The following SLC23A3 variants were observed in gnomAD, a reference collection of about 807,000 sequenced individuals.
The protein encoded by SLC23A3 is E2-binding protein 3.
Under a neutral mutation model 64.7 loss-of-function variants are expected in SLC23A3, and 41 were observed. That is an observed-to-expected ratio of 0.63 (90% CI 0.49 to 0.82). The LOEUF is 0.82. SLC23A3 is among the 40% of genes least tolerant of loss of function. The pLI is 0.00. For synonymous variants in SLC23A3, 281 were observed against 306.8 expected (o/e 0.92, Z 0.88); for missense variants, 647 against 733.4 (o/e 0.88, Z 1.36).
chr2:219,168,093 C>G (rs757369911), intron 6 of SLC23A3, 49 bp from the exon 7 acceptor site: 7 of 1,566,932 alleles, frequency 4.5e-6, no homozygotes, highest in Non-Finnish European at 6.0e-6. Context: ...ACCTTCTGAG[C>G]CAGCCTTGCA....
rs1397848651 is a variant in SLC23A3 at position 219,168,265 on chromosome 2, T to C, written c.728A>G (p.His243Arg). The change falls in exon 6 of 12, where the codon CAT becomes CGT. Residue 243 changes from histidine (H) to arginine (R), a missense_variant. His to Arg is a conservative substitution (Grantham distance 29). Transcript: ENST00000409878. ...CSQHLGSCQFHVCPWRRASTS... is the reference protein window; with the variant it reads ...CSQHLGSCQFRVCPWRRASTS... ...TGAAGCTCGCCTCCAGGGGCACACA[T>C]GAAACTGGCAGGAGCCCAGGTGCTG... 6.2e-6 allele frequency: 10 copies of C among 1,613,258 alleles called. No homozygotes were observed. The highest frequency in any genetic ancestry group is 8.5e-6 in the Non-Finnish European group (10 of 1,179,742).
In SLC23A3 at chr2:219,167,973, C is replaced by G; in HGVS notation, c.870G>C (p.Leu290=). The G allele has an allele frequency of 1.3e-6, 2 of 1,585,958 alleles. No homozygotes were observed. Among genetic ancestry groups the G allele is most frequent in the Non-Finnish European group, 1.7e-6 (2 of 1,172,422 alleles). The stretch of plus-strand genomic sequence containing the variant: ...TCCATGGTGCCTTGGTGGGGGCAGA[C>G]AGTTCCTGGGGGATAACACTGAATC... ...FVGFSVIPQE[L]SAPTKAPWIW... The change falls in exon 7 of 12, where the codon CTG becomes CTC. Residue 290 remains leucine, a synonymous_variant. Coordinates refer to ENST00000409878, the MANE Select transcript of SLC23A3 (RefSeq NM_001144889.2).
chr2:219,168,846 A>G lies in SLC23A3; in HGVS notation c.493-13T>C. ...CTGCCCCGGACACCTGGTAGAAGAGAGGAGAGGATGGAGAGAAAACATTCT... is the reference window on the plus strand; with the variant it reads ...CTGCCCCGGACACCTGGTAGAAGAGGGGAGAGGATGGAGAGAAAACATTCT... On this transcript the variant is annotated splice_polypyrimidine_tract_variant and intron_variant, in intron 4 of 11. Coordinates refer to ENST00000409878, the MANE Select transcript of SLC23A3 (RefSeq NM_001144889.2). The G allele has an allele frequency of 6.4e-7, 1 of 1,574,150 alleles. No individual in the cohort carries two copies. The highest frequency in any genetic ancestry group is 8.6e-7 in the Non-Finnish European group (1 of 1,160,380).
In SLC23A3 at chr2:219,161,797, T is replaced by C. The variant is rs928021921; in HGVS notation, c.*112A>G. 3 of 1,225,010 alleles carry C rather than the reference T, an allele frequency of 2.4e-6. No homozygotes were observed. In the African/African-American group the frequency reaches 4.5e-5, roughly 18 times the overall value. 75.9% of individuals were successfully genotyped at this position (1,225,010 alleles called of 1,614,324 possible). A position where few individuals can be genotyped will look rare whatever the true frequency, so the allele number is the denominator to read the frequency against. On this transcript the variant is annotated 3_prime_UTR_variant, in exon 12 of 12. Transcript: ENST00000409878. ...GAAATGGAACCTCTAGACAGTCCCA[T>C]GTAATACACACACACATATCCTCTG...
rs977643622 is a variant in SLC23A3, at chr2:219,163,793, C to T, written c.1274-238G>A. Among the ~76,000 whole-genome samples the T allele has an allele frequency of 3.3e-5, 5 of 152,172 alleles. No homozygotes were observed. In the South Asian group the frequency reaches 6.2e-4, roughly 19 times the overall value. ...CACTGCAACCTCCGCTTCCTACTCC[C>T]GGATTCAAGCGATTTCTCCTGCCTC... On this transcript the variant is annotated intron_variant, in intron 9 of 11. Coordinates refer to ENST00000409878, the MANE Select transcript of SLC23A3 (RefSeq NM_001144889.2).
At position 219,163,490 on chromosome 2, in the gene SLC23A3, C is replaced by T. The variant is rs774444420; in HGVS notation, c.1339G>A (p.Asp447Asn). The part of the protein sequence containing the change: ...SAGFSSFYLA[D>N]IDSGRNIFIV... ...AAGATATTTCGCCCAGAGTCTATGT[C>T]AGCCAGGTAGAAGCTGGAGAATCCA... The change falls in exon 10 of 12, where the codon GAC becomes AAC. Residue 447 changes from aspartate (D) to asparagine (N), a missense_variant. Coordinates refer to ENST00000409878, the MANE Select transcript of SLC23A3 (RefSeq NM_001144889.2). 9 of 1,614,074 alleles carry T rather than the reference C, an allele frequency of 5.6e-6. No homozygotes were observed. The highest frequency in any genetic ancestry group is 1.3e-5 in the African/African-American group (1 of 74,920).
At chr2:219,163,688 T>C in intron 9 of SLC23A3, 133 bp from the exon 10 acceptor site, 1 of 936,494 alleles carries the variant, frequency 1.1e-6, no homozygotes, top group Non-Finnish European at 1.6e-6. Context: ...TTTTTTTTGT[T>C]TTTTTGTTTT....
Position 219,165,324 on chromosome 2 carries a change from A to G in SLC23A3, c.1012T>C (p.Cys338Arg), listed in dbSNP as rs1949994600. 6.4e-7 allele frequency: 1 copy of G among 1,551,456 alleles called. No homozygotes were observed. The highest frequency in any genetic ancestry group is 8.7e-7 in the Non-Finnish European group (1 of 1,146,984). Residue 338 changes from cysteine (C) to arginine (R), a missense_variant, in exon 8 of 12, where the codon TGT (cysteine) becomes CGT (arginine). Cys to Arg is a radical substitution (Grantham distance 180). Coordinates refer to ENST00000409878, the MANE Select transcript of SLC23A3 (RefSeq NM_001144889.2). ...GGAGGCAAATGCAGCAGCCGGCCAC[A>G]CAGGGCATAGCAGCCCAGGGAACTG... is the stretch of plus-strand genomic sequence containing the variant. ...STSSLGCYAL[C>R]GRLLHLPPPP...
intron 6 of SLC23A3, 25 bp downstream of exon 6, chr2:219,168,170 C>G (rs1266301262): frequency 6.2e-7 from 1 of 1,611,824 alleles, no homozygotes. Flanking sequence ...CTGACCTCTA[C>G]TGCCCTGCCC....
At chr2:219,168,959 G>C (rs1365962811) in intron 4 of SLC23A3, 70 bp downstream of exon 4, 2 of 1,562,986 alleles carry the variant, frequency 1.3e-6, no homozygotes, top group African/African-American at 1.4e-5. Flanking sequence ...CTCAGTCTGT[G>C]CATAATGGAA....
In SLC23A3 at chr2:219,165,389, G is replaced by T. The variant is rs1452140840; in HGVS notation, c.947C>A (p.Ala316Asp). The change falls in exon 8 of 12, where the codon GCT becomes GAT. Residue 316 changes from alanine to aspartate, a missense_variant. Ala to Asp is a moderately radical substitution (Grantham distance 126). Coordinates refer to ENST00000409878, the MANE Select transcript of SLC23A3 (RefSeq NM_001144889.2). Reference sequence around the variant, plus strand: ...GGCCATGGAGATGCCTGCAGCCAGAGCTCTGGGCGTCAGCAAAGGCCAATT... The same window carrying T: ...GGCCATGGAGATGCCTGCAGCCAGATCTCTGGGCGTCAGCAAAGGCCAATT... The part of the protein sequence containing the change: ...EWNWPLLTPR[A>D]LAAGISMALA... The T allele has an allele frequency of 1.3e-6, 2 of 1,550,896 alleles. No homozygotes were observed. The highest frequency in any genetic ancestry group is 2.4e-5 in the East Asian group (1 of 40,920).
intron 10 of SLC23A3, 40 bp from the exon 11 acceptor site, chr2:219,162,434 C>A: frequency 1.3e-6 from 2 of 1,497,442 alleles, no homozygotes; most frequent in Non-Finnish European, 1.9e-6. Flanking sequence ...GAACTCTGAT[C>A]CTATATCCAA....
chr2:219,166,084 A>T (rs1249627764), intron 7 of SLC23A3, among the ~76,000 whole-genome samples: 3 of 151,852 alleles, frequency 2.0e-5, no homozygotes, highest in Non-Finnish European at 4.4e-5. Flanking sequence ...GTTAGCCAAG[A>T]TCACACCATT....
In SLC23A3 at chr2:219,169,800, A is replaced by C. The variant is rs763293448; in HGVS notation, c.162+23T>G. On this transcript the variant is annotated intron_variant, in intron 1 of 11. Transcript: ENST00000409878. This position sits in a 1 kb window ranked among gnomAD's most constrained non-coding sequence, Gnocchi z 4.5. ...CCACACACACCATCAGGCAGCACCA[A>C]CTCCTGCACCTCTGCCTCCTACCTG... The C allele has an allele frequency of 5.0e-6, 8 of 1,613,102 alleles. No homozygotes were observed. The highest frequency in any genetic ancestry group is 6.8e-6 in the Non-Finnish European group (8 of 1,179,664).
intron 8 of SLC23A3, 118 bp from the exon 9 acceptor site, chr2:219,164,456 G>A (rs1949984492): frequency 1.5e-6 from 1 of 680,166 alleles, no homozygotes; most frequent in African/African-American, 1.8e-5. Context: ...CTTCCAAGAA[G>A]CCTTCCTGGC....
In SLC23A3 at chr2:219,169,603, A is replaced by C; in HGVS notation, c.238T>G (p.Ser80Ala). The change falls in exon 2 of 12, where the codon TCT becomes GCT. Residue 80 changes from serine (S) to alanine (A), a missense_variant. Coordinates refer to ENST00000409878, the MANE Select transcript of SLC23A3 (RefSeq NM_001144889.2). This position sits in a 1 kb window ranked among gnomAD's most constrained non-coding sequence, Gnocchi z 4.5. Reference protein sequence around the residue: ...LLCSLSPGGLSYSPSQLLASS... With the variant: ...LLCSLSPGGLAYSPSQLLASS... ...GCCAGGAGCTGAGAAGGGGAGTAAG[A>C]GAGTCCTCCTGGGGAGAGACTGCAA... 6.2e-7 allele frequency: 1 copy of C among 1,614,204 alleles called. No individual in the cohort carries two copies. Among genetic ancestry groups the C allele is most frequent in the Non-Finnish European group, 8.5e-7 (1 of 1,180,030 alleles).
In SLC23A3 at chr2:219,169,745, C is replaced by G; in HGVS notation, c.163-67G>C. 2 of 1,611,824 alleles carry G rather than the reference C, an allele frequency of 1.2e-6. No homozygotes were observed. The highest frequency in any genetic ancestry group is 1.7e-6 in the Non-Finnish European group (2 of 1,178,996). On this transcript the variant is annotated intron_variant, in intron 1 of 11. Coordinates refer to ENST00000409878, the MANE Select transcript of SLC23A3 (RefSeq NM_001144889.2). This position sits in a 1 kb window ranked among gnomAD's most constrained non-coding sequence, Gnocchi z 4.5. ...GAAATACCTACAATACTTCCAGAGG[C>G]TTTCACATGCCACATCTACACCTAC...
rs1950035549 is a variant in SLC23A3, at chr2:219,169,129, G to C, written c.419-27C>G. On this transcript the variant is annotated intron_variant, in intron 3 of 11. Transcript: ENST00000409878. This position sits in a 1 kb window ranked among gnomAD's most constrained non-coding sequence, Gnocchi z 4.5. Reference sequence around the variant, plus strand: ...TAGGAAAAGTTTGGGGCATGGAGAAGAGAAGGGTGAATGGAATGGAGACCC... The same window carrying C: ...TAGGAAAAGTTTGGGGCATGGAGAACAGAAGGGTGAATGGAATGGAGACCC... 1 of 1,611,482 alleles carries C rather than the reference G, an allele frequency of 6.2e-7. No individual in the cohort carries two copies. The highest frequency in any genetic ancestry group is 8.5e-7 in the Non-Finnish European group (1 of 1,177,720).
At chr2:219,164,186 C>G (rs1949979980) in intron 9 of SLC23A3, 47 bp downstream of exon 9, 4 of 1,348,960 alleles carry the variant, frequency 3.0e-6, no homozygotes, top group Non-Finnish European at 4.2e-6. Context: ...TCAGGCCACA[C>G]TGGGGAGTAG....
Sources: gnomAD v4.1 joint callset for allele counts (sites outside exome capture counted in the v4.1 genomes callset) on GRCh38, gnomAD v4.1.1 for gene constraint, Gnocchi (gnomAD v3.1) non-coding constraint, MANE v1.5 for transcripts, NCBI Gene and HGNC (gene_info 2026-07-23, HGNC 2026-07-21) for gene names.